RNF175: variants seen among roughly 807,000 people sequenced by gnomAD.
RNF175 encodes the protein ring finger protein 175.
In RNF175, 38 loss-of-function variants were observed where a neutral mutation model predicts 50.0. The observed-to-expected ratio is 0.76, with a 90% confidence interval of 0.59 to 1.00. The LOEUF (loss-of-function observed/expected upper bound fraction) is 1.00. Ranked by LOEUF, RNF175 falls within the 50% of genes least tolerant of loss-of-function variation. The probability of loss-of-function intolerance (pLI) is 0.00; values close to 1 mark genes in which losing one functional copy is unlikely to be tolerated. For synonymous variants in RNF175, 155 were observed against 146.1 expected (o/e 1.06, Z -0.44); for missense variants, 388 against 409.6 (o/e 0.95, Z 0.46).
At chr4:153,735,167 C>T in intron 3 of RNF175, among the ~76,000 whole-genome samples, 1 of 151,286 alleles carries the variant, frequency 6.6e-6, no homozygotes. Flanking sequence ...CATTTAGGCC[C>T]AAGATTCATT....
At chr4:153,747,733 C>T (rs965351795) in intron 3 of RNF175, among the ~76,000 whole-genome samples, 7 of 152,218 alleles carry the variant, frequency 4.6e-5, no homozygotes, top group African/African-American at 1.7e-4. Flanking sequence ...CAAACTCTTC[C>T]AGCCTCTGCC....
intron 7 of RNF175, chr4:153,715,088 C>G (rs1737819953): frequency 4.6e-6 from 1 of 218,234 alleles, no homozygotes; most frequent in African/African-American, 2.3e-5. Flanking sequence ...AGGCAAAGCA[C>G]TCTTTGTATT....
At chr4:153,746,984 G>C (rs900086180) in intron 3 of RNF175, among the ~76,000 whole-genome samples, 6 of 152,202 alleles carry the variant, frequency 3.9e-5, no homozygotes, top group African/African-American at 9.6e-5. Context: ...CAAGGAGAAC[G>C]ATGCTGGAAT....
intron 1 of RNF175, among the ~76,000 whole-genome samples, chr4:153,755,018 T>G (rs1203462783): frequency 1.3e-5 from 2 of 152,206 alleles, no homozygotes; most frequent in East Asian, 3.8e-4. Flanking sequence ...AGCAGATCCT[T>G]GCTACCACTC....
At chr4:153,734,328 C>T (rs1033706555) in intron 3 of RNF175, among the ~76,000 whole-genome samples, 1 of 152,172 alleles carries the variant, frequency 6.6e-6, no homozygotes, top group Non-Finnish European at 1.5e-5. Flanking sequence ...AGAGTTCCTG[C>T]TACTCCACAT....
At chr4:153,730,095 G>A (rs1283502896) in intron 3 of RNF175, among the ~76,000 whole-genome samples, 1 of 152,202 alleles carries the variant, frequency 6.6e-6, no homozygotes, top group Non-Finnish European at 1.5e-5. Flanking sequence ...CAAGACTCAA[G>A]ATGTGCTTAC....
intron 4 of RNF175, among the ~76,000 whole-genome samples, chr4:153,724,108 T>G (rs1738521460): frequency 6.6e-6 from 1 of 152,204 alleles, no homozygotes; most frequent in Non-Finnish European, 1.5e-5. Context: ...CCAAGGCCTT[T>G]CCTTGTTCCC....
intron 6 of RNF175, among the ~76,000 whole-genome samples, chr4:153,719,271 C>G (rs1738176066): frequency 6.6e-6 from 1 of 152,212 alleles, no homozygotes; most frequent in Non-Finnish European, 1.5e-5. Context: ...CAAGTCCCTG[C>G]AAAGGACATT....
chr4:153,719,690 T>C (rs1738205040), intron 6 of RNF175, among the ~76,000 whole-genome samples: 1 of 152,258 alleles, frequency 6.6e-6, no homozygotes, highest in Non-Finnish European at 1.5e-5. Context: ...GCATACTTTT[T>C]ATATCTTCTA....
chr4:153,733,290 T>C (rs1465416523), intron 3 of RNF175, among the ~76,000 whole-genome samples: 1 of 152,196 alleles, frequency 6.6e-6, no homozygotes, highest in African/African-American at 2.4e-5. Context: ...ACCTTCAGGG[T>C]AAAAATAATA....
chr4:153,738,060 CT>C (rs935846971), intron 3 of RNF175, among the ~76,000 whole-genome samples: 1 of 151,816 alleles, frequency 6.6e-6, no homozygotes, highest in Admixed American at 6.6e-5. Flanking sequence ...TTCTTTCTTT[CT>C]TTTTTTGAGG....
Position 153,710,254 on chromosome 4 carries a change from A to C in RNF175, c.*115T>G, listed in dbSNP as rs1473038675. On this transcript the variant is annotated 3_prime_UTR_variant, in exon 9 of 9. Coordinates refer to ENST00000347063, the MANE Select transcript of RNF175 (RefSeq NM_173662.4). The stretch of plus-strand genomic sequence containing the variant: ...CACATGGACAAATTGCTTGACAACA[A>C]AGTTTACTTAGTTTTCTAAACACTT... 2.6e-6 allele frequency: 2 copies of C among 778,410 alleles called. No homozygotes were observed. Among genetic ancestry groups the C allele is most frequent in the South Asian group, 2.7e-5 (1 of 37,230 alleles). The allele number at this position is 778,410 out of a possible 1,614,324, so 48.2% of individuals were successfully genotyped here. A position where few individuals can be genotyped will look rare whatever the true frequency, so the allele number is the denominator to read the frequency against.
intron 3 of RNF175, among the ~76,000 whole-genome samples, chr4:153,730,468 T>A (rs960017536): frequency 3.9e-5 from 6 of 152,110 alleles, no homozygotes; most frequent in Non-Finnish European, 7.4e-5. Flanking sequence ...AAAAATCTTA[T>A]CAGCATATTG....
At position 153,744,810 on chromosome 4, in the gene RNF175, C is replaced by T. The variant is rs145654827; in HGVS notation, c.246+3835G>A. Reference sequence around the variant, plus strand: ...GTTTCATTCACTTAAAGACATTATCCAAGTGCAATATAAAGAGTGTTTATT... The same window carrying T: ...GTTTCATTCACTTAAAGACATTATCTAAGTGCAATATAAAGAGTGTTTATT... On this transcript the variant is annotated intron_variant, in intron 3 of 8. Coordinates refer to ENST00000347063, the MANE Select transcript of RNF175 (RefSeq NM_173662.4). Among the ~76,000 whole-genome samples the T allele has an allele frequency of 2.0e-5, 3 of 152,178 alleles. No homozygotes were observed. In the East Asian group the frequency reaches 5.8e-4, roughly 29 times the overall value.
At chr4:153,737,567 G>A (rs895724583) in intron 3 of RNF175, among the ~76,000 whole-genome samples, 4 of 151,932 alleles carry the variant, frequency 2.6e-5, no homozygotes, top group African/African-American at 9.7e-5. Flanking sequence ...TGACCCATGT[G>A]TTATTTAGTA....
chr4:153,736,423 C>A (rs1190782391), intron 3 of RNF175, among the ~76,000 whole-genome samples: 1 of 152,102 alleles, frequency 6.6e-6, no homozygotes, highest in Admixed American at 6.6e-5. Flanking sequence ...CTACAGTTTC[C>A]TTTCCTTGTA....
intron 3 of RNF175, among the ~76,000 whole-genome samples, chr4:153,741,912 A>G (rs946552043): frequency 6.6e-6 from 1 of 152,074 alleles, no homozygotes; most frequent in African/African-American, 2.4e-5. Context: ...AAAAACCACA[A>G]TCACTTTTGC....
intron 3 of RNF175, among the ~76,000 whole-genome samples, chr4:153,732,910 G>A (rs1030113348): frequency 1.1e-4 from 17 of 152,132 alleles, no homozygotes; most frequent in Non-Finnish European, 2.1e-4. Context: ...CTAAAAATGC[G>A]ACTACTTGAA....
At chr4:153,755,856 A>T (rs1740538778) in intron 1 of RNF175, among the ~76,000 whole-genome samples, 2 of 152,246 alleles carry the variant, frequency 1.3e-5, no homozygotes, top group Admixed American at 6.5e-5. Flanking sequence ...AATCTGTAAG[A>T]TCTACAAAAT....
Sources: gnomAD v4.1 joint callset for allele counts (sites outside exome capture counted in the v4.1 genomes callset) on GRCh38, gnomAD v4.1.1 for gene constraint, MANE v1.5 for transcripts, NCBI Gene and HGNC (gene_info 2026-07-23, HGNC 2026-07-21) for gene names.